Variants in GPC3 observed in about 807,000 individuals in gnomAD.
The protein encoded by GPC3 is glypican 3.
GPC3 carries 3 observed loss-of-function variants against 34.4 expected under a neutral mutation model. The observed-to-expected ratio is 0.09, with a 90% CI of 0.04 to 0.23. The LOEUF (loss-of-function observed/expected upper bound fraction) is 0.23, where lower values mean the gene tolerates loss of function less well. Among genes scored for constraint, GPC3 ranks in the 10% least tolerant of loss-of-function variants. The pLI, the probability that GPC3 is intolerant of heterozygous loss-of-function variation, is 1.00. For synonymous variants in GPC3, 177 were observed against 174.0 expected, an observed-to-expected ratio of 1.02 and a Z score of -0.13; for missense variants, 351 against 445.6, an observed-to-expected ratio of 0.79 and a Z score of 1.91.
At chrX:133,882,535 T>TTGTGTGTGTGTG (rs3831709) in intron 2 of GPC3, among the ~76,000 whole-genome samples, 1 of 105,787 alleles carries the variant, frequency 9.5e-6, no homozygotes, top group Non-Finnish European at 2.0e-5. Context: ...TTTCTACAGT[T>TTGTGTGTGTGTG]TGTGTGTGTG....
At chrX:133,658,634 G>T (rs1027553011) in intron 6 of GPC3, among the ~76,000 whole-genome samples, 1 of 111,181 alleles carries the variant, frequency 9.0e-6, no homozygotes, top group African/African-American at 3.3e-5. Context: ...ACACAGATGA[G>T]AAAAAAAATC....
At chrX:133,621,460 G>A in intron 6 of GPC3, among the ~76,000 whole-genome samples, 1 of 112,122 alleles carries the variant, frequency 8.9e-6, no homozygotes, top group East Asian at 2.8e-4. Context: ...CCCTAATAGT[G>A]TGCTTTTCCA....
At chrX:133,979,795 A>C in intron 1 of GPC3, among the ~76,000 whole-genome samples, 1 of 112,118 alleles carries the variant, frequency 8.9e-6, no homozygotes, top group East Asian at 2.8e-4. Context: ...TCCTGTTTCA[A>C]GCCAGACAAT....
chrX:133,699,243 G>T (rs2071144292), intron 4 of GPC3, among the ~76,000 whole-genome samples: 1 of 111,803 alleles, frequency 8.9e-6, no homozygotes, highest in Non-Finnish European at 1.9e-5. Flanking sequence ...CAGTGGCAGG[G>T]CTGGCTACAT....
intron 6 of GPC3, among the ~76,000 whole-genome samples, chrX:133,620,715 G>A (rs184506952): frequency 8.1e-5 from 9 of 111,308 alleles, no homozygotes; most frequent in Middle Eastern, 4.6e-3. Flanking sequence ...TATTCTCTCC[G>A]AAGCCTGCTA....
At chrX:133,758,675 A>T (rs1417567362) in intron 2 of GPC3, among the ~76,000 whole-genome samples, 2 of 111,051 alleles carry the variant, frequency 1.8e-5, no homozygotes, top group African/African-American at 6.5e-5. Flanking sequence ...AAACCTACAC[A>T]TCCTTCACAT....
Position 133,754,180 on chromosome X carries a change from TAAAAAA to T in GPC3, c.338-10_338-5del. On this transcript the variant is annotated splice_region_variant and splice_polypyrimidine_tract_variant and intron_variant, in intron 2 of 7. Coordinates refer to ENST00000370818, the MANE Select transcript of GPC3 (RefSeq NM_004484.4). Reference sequence around the variant, plus strand: ...CGAACAACAATTTCAAAGGCCTCTGTAAAAAAAAAAAAAAAAGAGACACAAAAATGT... The same window carrying T: ...CGAACAACAATTTCAAAGGCCTCTGTAAAAAAAAAAGAGACACAAAAATGT... 7.4e-6 allele frequency: 7 copies of T among 945,265 alleles called. No individual in the cohort carries two copies. Among genetic ancestry groups the T allele is most frequent in the Non-Finnish European group, 8.6e-6 (6 of 693,871 alleles). The allele number at this position is 945,265 out of a possible 1,213,427, so 77.9% of individuals were successfully genotyped here.
intron 6 of GPC3, among the ~76,000 whole-genome samples, chrX:133,646,430 A>G (rs1429644614): frequency 8.9e-6 from 1 of 111,966 alleles, no homozygotes; most frequent in Admixed American, 9.5e-5. Context: ...CGAGAAAGCT[A>G]TGCAATAGGG....
intron 1 of GPC3, among the ~76,000 whole-genome samples, chrX:133,954,151 G>T (rs370667722): frequency 9.0e-6 from 1 of 111,602 alleles, no homozygotes; most frequent in Non-Finnish European, 1.9e-5. Context: ...CAGTTCAGTC[G>T]TTGTTAAGGG....
At chrX:133,974,038 TTTTTG>T (rs369459584) in intron 1 of GPC3, among the ~76,000 whole-genome samples, 26 of 111,719 alleles carry the variant, frequency 2.3e-4, no homozygotes, top group African/African-American at 8.5e-4. Flanking sequence ...TTCAGCGTTT[TTTTTG>T]TTTTGTTTTG....
rs144482306 is a variant in GPC3 at position 133,720,196 on chromosome X, A to G, written c.1033-20168T>C. ...TGATCCAGCAATCCCACTACTGGGTATCTATCCAATATATGAAAAAGACAC... is the reference window on the plus strand; with the variant it reads ...TGATCCAGCAATCCCACTACTGGGTGTCTATCCAATATATGAAAAAGACAC... On this transcript the variant is annotated intron_variant, in intron 3 of 7. Coordinates refer to ENST00000370818, the MANE Select transcript of GPC3 (RefSeq NM_004484.4). Among the ~76,000 whole-genome samples, 610 of 112,049 alleles carry G rather than the reference A, an allele frequency of 5.4e-3. 3 individuals are homozygous for G. Among genetic ancestry groups the G allele is most frequent in the Non-Finnish European group, 9.5e-3 (503 of 53,162 alleles).
chrX:133,942,523 A>G (rs1178807747), intron 2 of GPC3, among the ~76,000 whole-genome samples: 2 of 112,197 alleles, frequency 1.8e-5, no homozygotes. Context: ...AAAGCAGTAT[A>G]GTCAATTTTT....
chrX:133,980,478 A>G (rs1411332713), intron 1 of GPC3, among the ~76,000 whole-genome samples: 1 of 112,195 alleles, frequency 8.9e-6, no homozygotes, highest in East Asian at 2.8e-4. Flanking sequence ...CACTGCTCAA[A>G]TGCAGTGTTT....
At chrX:133,968,711 A>G (rs976128366) in intron 1 of GPC3, among the ~76,000 whole-genome samples, 27 of 108,817 alleles carry the variant, frequency 2.5e-4, no homozygotes, top group African/African-American at 8.1e-4. Flanking sequence ...GCAGATGTGA[A>G]GGCAACCTAG....
intron 1 of GPC3, among the ~76,000 whole-genome samples, chrX:133,968,238 G>A (rs187412098): frequency 3.6e-5 from 4 of 112,328 alleles, no homozygotes; most frequent in East Asian, 2.8e-4. Flanking sequence ...CTCAATCAAC[G>A]TGGGGACCAC....
intron 6 of GPC3, among the ~76,000 whole-genome samples, chrX:133,610,932 C>T (rs902931696): frequency 1.9e-5 from 2 of 106,801 alleles, no homozygotes; most frequent in Non-Finnish European, 3.8e-5. Context: ...CTCCCCCCAA[C>T]CCCGACTTTA....
chrX:133,933,111 T>C (rs1423448782), intron 2 of GPC3, among the ~76,000 whole-genome samples: 1 of 111,172 alleles, frequency 9.0e-6, no homozygotes, highest in Non-Finnish European at 1.9e-5. Context: ...TTTGGGAAAT[T>C]AAAGCTCAAC....
chrX:133,983,105 C>T (rs1402075966), intron 1 of GPC3, among the ~76,000 whole-genome samples: 2 of 111,581 alleles, frequency 1.8e-5, no homozygotes, highest in Non-Finnish European at 3.8e-5. Context: ...CCCGGAAAAT[C>T]CAGGATATAT....
chrX:133,548,210 G>T (rs1341181795), intron 7 of GPC3, among the ~76,000 whole-genome samples: 1 of 111,582 alleles, frequency 9.0e-6, no homozygotes, highest in Non-Finnish European at 1.9e-5. Context: ...GCACATAGAA[G>T]AAAAACACAA....
Sources: allele counts gnomAD v4.1 joint callset (sites outside exome capture counted in the v4.1 genomes callset), GRCh38; gene constraint gnomAD v4.1.1; transcripts MANE v1.5; gene names NCBI Gene and HGNC (gene_info 2026-07-23, HGNC 2026-07-21).